SORBS2: variants seen among roughly 807,000 people sequenced by gnomAD.
The protein encoded by SORBS2 is sorbin and SH3 domain-containing protein 2.
Under a neutral mutation model 97.7 loss-of-function variants are expected in SORBS2, and 46 were observed. The observed-to-expected ratio is 0.47, with a 90% CI of 0.37 to 0.60. The LOEUF (loss-of-function observed/expected upper bound fraction) is 0.60, where lower values mean the gene tolerates loss of function less well. SORBS2 is among the 20% of genes least tolerant of loss of function. The probability of loss-of-function intolerance (pLI) is 0.00; values close to 1 mark genes in which losing one functional copy is unlikely to be tolerated. For missense variants in SORBS2, 1,316 were observed against 1,282.3 expected (o/e 1.03, Z -0.40); for synonymous variants, 476 against 473.4 (o/e 1.01, Z -0.07).
At chr4:185,852,949 T>G (rs2099218749) in intron 1 of SORBS2, among the ~76,000 whole-genome samples, 1 of 152,208 alleles carries the variant, frequency 6.6e-6, no homozygotes, top group Non-Finnish European at 1.5e-5. Flanking sequence ...CCTTTGTGCC[T>G]GCCACCCTGC....
intron 14 of SORBS2, among the ~76,000 whole-genome samples, chr4:185,588,505 C>G (rs1388385740): frequency 1.3e-5 from 2 of 152,032 alleles, no homozygotes; most frequent in Admixed American, 1.3e-4. Flanking sequence ...CAAGCTTCAT[C>G]TGTCTCCTAT....
chr4:185,910,830 A>C (rs1043583601), intron 1 of SORBS2, among the ~76,000 whole-genome samples: 23 of 152,338 alleles, frequency 1.5e-4, no homozygotes, highest in Middle Eastern at 3.4e-3. Context: ...ATGAGAAATA[A>C]AATATTTATA....
chr4:185,695,667 G>A (rs2098165763), intron 2 of SORBS2, among the ~76,000 whole-genome samples: 1 of 152,120 alleles, frequency 6.6e-6, no homozygotes, highest in Admixed American at 6.5e-5. Flanking sequence ...ATGTATTAAT[G>A]CATCTCTCTC....
chr4:185,824,174 C>A (rs1377227208), intron 1 of SORBS2, among the ~76,000 whole-genome samples: 4 of 152,150 alleles, frequency 2.6e-5, no homozygotes, highest in South Asian at 2.1e-4. Context: ...GTGTGGGCAG[C>A]CCCATCCTCT....
chr4:185,791,169 T>C (rs1342058916), intron 1 of SORBS2, among the ~76,000 whole-genome samples: 2 of 152,138 alleles, frequency 1.3e-5, no homozygotes, highest in African/African-American at 2.4e-5. Flanking sequence ...AATGAGCACA[T>C]TTTTGCCACA....
intron 1 of SORBS2, among the ~76,000 whole-genome samples, chr4:185,807,071 A>T (rs1000205008): frequency 1.5e-4 from 23 of 152,314 alleles, no homozygotes; most frequent in African/African-American, 5.1e-4. Flanking sequence ...GAAAAACTGA[A>T]TTTCTGATTA....
chr4:185,880,853 A>G (rs2149776184), intron 1 of SORBS2, among the ~76,000 whole-genome samples: 1 of 152,346 alleles, frequency 6.6e-6, no homozygotes, highest in African/African-American at 2.4e-5. Flanking sequence ...CATTTGTGAT[A>G]GCAACTAAGA....
At chr4:185,931,301 C>G (rs1159327472) in intron 1 of SORBS2, among the ~76,000 whole-genome samples, 2 of 152,072 alleles carry the variant, frequency 1.3e-5, no homozygotes, top group African/African-American at 2.4e-5. Flanking sequence ...AAAAGTTTTA[C>G]CTTGGAAAAG....
intron 1 of SORBS2, among the ~76,000 whole-genome samples, chr4:185,875,282 G>A (rs528209834): frequency 9.9e-5 from 15 of 152,182 alleles, no homozygotes; most frequent in African/African-American, 3.4e-4. Flanking sequence ...AGCACATGAG[G>A]TGATACATAT....
intron 6 of SORBS2, among the ~76,000 whole-genome samples, chr4:185,625,656 C>G (rs2096798054): frequency 6.6e-6 from 1 of 152,180 alleles, no homozygotes; most frequent in Non-Finnish European, 1.5e-5. Context: ...TTAAGATATT[C>G]ATTTGAATAA....
chr4:185,915,437 T>C (rs2099257594), intron 1 of SORBS2, among the ~76,000 whole-genome samples: 1 of 152,182 alleles, frequency 6.6e-6, no homozygotes, highest in Non-Finnish European at 1.5e-5. Flanking sequence ...TCTGATGGCA[T>C]GGAAAAAGCA....
chr4:185,889,156 A>G (rs2099241212), intron 1 of SORBS2, among the ~76,000 whole-genome samples: 1 of 152,118 alleles, frequency 6.6e-6, no homozygotes, highest in Non-Finnish European at 1.5e-5. Context: ...AAACTTTCCA[A>G]CTAGGTTTTA....
chr4:185,601,444 C>A (rs1356405683), intron 12 of SORBS2, among the ~76,000 whole-genome samples: 1 of 151,780 alleles, frequency 6.6e-6, no homozygotes, highest in Non-Finnish European at 1.5e-5. Context: ...GGGAACTACT[C>A]GAGCTGCCAC....
At position 185,600,326 on chromosome 4, in the gene SORBS2, T is replaced by G. The variant is rs564534847; in HGVS notation, c.2797-6391A>C. ...GAAGAGGCCAAGAACATATAAGAAA[T>G]GTTATATCTTTTTTTGTCTTTTATT... On this transcript the variant is annotated intron_variant, in intron 12 of 14. Coordinates refer to ENST00000418609, the Ensembl canonical transcript of SORBS2. 3.9e-4 allele frequency among the ~76,000 whole-genome samples: 60 copies of G among 152,198 alleles called. No homozygotes were observed. The South Asian group carries it at 4.4e-3, about 11-fold the overall frequency.
At chr4:185,931,570 G>C (rs1419249102) in intron 1 of SORBS2, among the ~76,000 whole-genome samples, 3 of 152,116 alleles carry the variant, frequency 2.0e-5, no homozygotes, top group African/African-American at 7.2e-5. Context: ...AAATAATCTT[G>C]TTGAAGGCAG....
At chr4:185,792,705 C>T (rs1039597385) in intron 1 of SORBS2, among the ~76,000 whole-genome samples, 46 of 151,918 alleles carry the variant, frequency 3.0e-4, no homozygotes, top group South Asian at 2.1e-4. Context: ...CTTGAGGATA[C>T]GGAAATTTGG....
chr4:185,925,852 A>G (rs2099263358), intron 1 of SORBS2, among the ~76,000 whole-genome samples: 1 of 152,240 alleles, frequency 6.6e-6, no homozygotes, highest in African/African-American at 2.4e-5. Context: ...ACAGGGCGCT[A>G]TAAGAAAGAA....
chr4:185,886,381 C>G lies in SORBS2; in HGVS notation c.-338+69815G>C, dbSNP rs185193896. Among the ~76,000 whole-genome samples the G allele has an allele frequency of 9.0e-4, 136 of 151,806 alleles. 1 individual carries two copies. Among genetic ancestry groups the G allele is most frequent in the Non-Finnish European group, 5.4e-4 (37 of 67,938 alleles). On this transcript the variant is annotated intron_variant, in intron 1 of 20. Transcript: ENST00000284776. ...CCAGCCTGGCTAACACAGTGAAACC[C>G]CATCTCTACTAAAAATACAAAAAAT...
chr4:185,875,474 C>T (rs2099233024), intron 1 of SORBS2, among the ~76,000 whole-genome samples: 1 of 152,218 alleles, frequency 6.6e-6, no homozygotes, highest in Non-Finnish European at 1.5e-5. Context: ...ATTCCCATCG[C>T]TCTGTAACTG....
Sources: allele counts gnomAD v4.1 joint callset (sites outside exome capture counted in the v4.1 genomes callset), GRCh38; gene constraint gnomAD v4.1.1; transcripts MANE v1.5; gene names NCBI Gene and HGNC (gene_info 2026-07-23, HGNC 2026-07-21).